The following ZNG1F variants were observed in gnomAD, a reference collection of about 807,000 sequenced individuals.
The protein encoded by ZNG1F is zinc-regulated GTPase metalloprotein activator 1F.
At chr9:41,174,016 G>A in the ZNG1F span, among the ~76,000 whole-genome samples, 2 of 148,918 alleles carry the variant, frequency 1.3e-5, no homozygotes, top group East Asian at 3.9e-4. Flanking sequence ...GAAGTCAGGG[G>A]TTCAAGACCA....
At chr9:41,183,551 A>T in the ZNG1F span, 2 of 1,586,732 alleles carry the variant, frequency 1.3e-6, no homozygotes, top group African/African-American at 1.4e-5. Context: ...TACACAGTAA[A>T]CACATTCCTC....
At chr9:41,132,681 C>A in the ZNG1F span, 2 of 573,966 alleles carry the variant, frequency 3.5e-6, no homozygotes, top group Non-Finnish European at 4.9e-6. Flanking sequence ...AAATATGTAT[C>A]ATATCCTATT....
chr9:41,193,477 A>AT, the ZNG1F span, among the ~76,000 whole-genome samples: 1 of 149,088 alleles, frequency 6.7e-6, no homozygotes, highest in Non-Finnish European at 1.5e-5. Flanking sequence ...ACTTTAAAAA[A>AT]CAGGTCCCAA....
chr9:41,204,820 A>G, the ZNG1F span, among the ~76,000 whole-genome samples: 1 of 63,062 alleles, frequency 1.6e-5, no homozygotes, highest in Non-Finnish European at 3.7e-5. Flanking sequence ...TAAGCTTTAT[A>G]GTATCCTCTG....
chr9:41,165,406 T>C, the ZNG1F span, among the ~76,000 whole-genome samples: 1 of 4,578 alleles, frequency 2.2e-4, no homozygotes, highest in Non-Finnish European at 4.6e-4. Flanking sequence ...AAGTTTACAA[T>C]CAAAAGGATG....
At chr9:41,148,760 TAAAAGGGG>T in the ZNG1F span, among the ~76,000 whole-genome samples, 9 of 137,160 alleles carry the variant, frequency 6.6e-5, no homozygotes, top group African/African-American at 2.6e-4. Context: ...ATTCATAAAG[TAAAAGGGG>T]TCCAATAAAA....
chr9:41,203,208 G>C, the ZNG1F span, among the ~76,000 whole-genome samples: 1 of 152,292 alleles, frequency 6.6e-6, no homozygotes, highest in East Asian at 1.9e-4. Flanking sequence ...TAAAATTACT[G>C]TTTCCCTGAT....
At chr9:41,169,119 T>C in the ZNG1F span, among the ~76,000 whole-genome samples, 1 of 148,694 alleles carries the variant, frequency 6.7e-6, no homozygotes, top group Non-Finnish European at 1.5e-5. Context: ...TCTATGCCCA[T>C]AGGAAAGCTA....
At chr9:41,173,991 G>C in the ZNG1F span, among the ~76,000 whole-genome samples, 1 of 149,064 alleles carries the variant, frequency 6.7e-6, no homozygotes, top group Non-Finnish European at 1.5e-5. Flanking sequence ...GGAGGCCAAG[G>C]CTGGCGGATC....
the ZNG1F span, among the ~76,000 whole-genome samples, chr9:41,166,596 G>A: frequency 3.0e-5 from 3 of 98,832 alleles, no homozygotes; most frequent in Non-Finnish European, 5.7e-5. Context: ...CGACAAAAAT[G>A]ACTTCAAGTA....
chr9:41,149,827 GA>G, the ZNG1F span, among the ~76,000 whole-genome samples: 1 of 150,136 alleles, frequency 6.7e-6, no homozygotes, highest in Non-Finnish European at 1.5e-5. Context: ...TCTCATGTTA[GA>G]TGTTCTTACT....
the ZNG1F span, chr9:41,165,056 T>C: frequency 6.3e-7 from 1 of 1,580,206 alleles, no homozygotes; most frequent in South Asian, 1.1e-5. Context: ...TCTGTTTTAT[T>C]AATGAGAATG....
chr9:41,148,652 T>TAA, the ZNG1F span, among the ~76,000 whole-genome samples: 1 of 140,844 alleles, frequency 7.1e-6, no homozygotes, highest in Admixed American at 7.1e-5. Flanking sequence ...CTGCCCTGCC[T>TAA]GTCCCACACT....
At chr9:41,187,343 C>T in the ZNG1F span, among the ~76,000 whole-genome samples, 1 of 133,150 alleles carries the variant, frequency 7.5e-6, no homozygotes, top group Non-Finnish European at 1.6e-5. Context: ...GCACAAAATG[C>T]TATGGAGAAC....
chr9:41,204,942 A>C, the ZNG1F span, among the ~76,000 whole-genome samples: 1 of 150,764 alleles, frequency 6.6e-6, no homozygotes, highest in Admixed American at 6.7e-5. Context: ...CCATATATTT[A>C]TCATTAATTC....
the ZNG1F span, among the ~76,000 whole-genome samples, chr9:41,148,083 C>CTT: frequency 7.2e-6 from 1 of 138,786 alleles, no homozygotes; most frequent in Non-Finnish European, 1.5e-5. Context: ...ATGAACAAAC[C>CTT]AAATTTATGC....
At chr9:41,180,190 T>TTC in the ZNG1F span, among the ~76,000 whole-genome samples, 1 of 110,734 alleles carries the variant, frequency 9.0e-6, no homozygotes, top group Non-Finnish European at 1.8e-5. Flanking sequence ...TTTTTTTTTT[T>TTC]TAAGAAATGG....
the ZNG1F span, among the ~76,000 whole-genome samples, chr9:41,185,300 A>C: frequency 7.2e-6 from 1 of 138,250 alleles, no homozygotes; most frequent in Middle Eastern, 3.5e-3. Flanking sequence ...AACAAAGTTA[A>C]CTAATAACAG....
the ZNG1F span, chr9:41,146,061 T>G: frequency 7.2e-6 from 1 of 138,498 alleles, no homozygotes; most frequent in South Asian, 2.4e-4. Flanking sequence ...ACAGCAAGTT[T>G]AGGAAAGAGA....
Sources: allele counts gnomAD v4.1 joint callset (sites outside exome capture counted in the v4.1 genomes callset), GRCh38; gene constraint gnomAD v4.1.1; transcripts MANE v1.5; gene names NCBI Gene and HGNC (gene_info 2026-07-23, HGNC 2026-07-21).